Variants in GALNT17 observed in about 807,000 individuals in gnomAD.
The protein encoded by GALNT17 is polypeptide N-acetylgalactosaminyltransferase 17.
Under a neutral mutation model 63.7 loss-of-function variants are expected in GALNT17, and 29 were observed. The ratio of observed to expected loss-of-function variants is 0.46; its 90% confidence interval spans 0.34 to 0.62. The LOEUF (loss-of-function observed/expected upper bound fraction) is 0.62. GALNT17 is among the 20% of genes least tolerant of loss of function. The probability of loss-of-function intolerance (pLI) is 0.01; values close to 1 mark genes in which losing one functional copy is unlikely to be tolerated. For synonymous variants in GALNT17, 305 were observed against 318.3 expected (o/e 0.96, Z 0.45); for missense variants, 603 against 799.6 (o/e 0.75, Z 2.97).
At chr7:71,532,734 C>T (rs185379117) in intron 5 of GALNT17, among the ~76,000 whole-genome samples, 1 of 152,284 alleles carries the variant, frequency 6.6e-6, no homozygotes, top group Admixed American at 6.5e-5. Flanking sequence ...TCTGAGTTCA[C>T]TCCCATCTGC....
At chr7:71,668,305 T>C (rs745409281) in intron 7 of GALNT17, among the ~76,000 whole-genome samples, 4 of 151,544 alleles carry the variant, frequency 2.6e-5, no homozygotes, top group African/African-American at 9.7e-5. Context: ...TCACCTGAGG[T>C]TGGGAGTTCG....
chr7:71,385,937 C>T (rs1792934858), intron 2 of GALNT17, among the ~76,000 whole-genome samples: 1 of 152,198 alleles, frequency 6.6e-6, no homozygotes, highest in Non-Finnish European at 1.5e-5. Flanking sequence ...TGTGGCAGCA[C>T]ATGCCTGTAA....
At chr7:71,652,866 C>T (rs1790773385) in intron 6 of GALNT17, among the ~76,000 whole-genome samples, 2 of 152,164 alleles carry the variant, frequency 1.3e-5, no homozygotes, top group African/African-American at 4.8e-5. Flanking sequence ...TCTGGCTCTG[C>T]AAACCCAAAC....
intron 6 of GALNT17, among the ~76,000 whole-genome samples, chr7:71,656,362 C>T (rs1790828328): frequency 6.6e-6 from 1 of 151,990 alleles, no homozygotes; most frequent in Non-Finnish European, 1.5e-5. Flanking sequence ...GTTAACTAGG[C>T]AGATGGGGGA....
At chr7:71,263,832 G>A (rs1327403904) in intron 1 of GALNT17, among the ~76,000 whole-genome samples, 1 of 152,090 alleles carries the variant, frequency 6.6e-6, no homozygotes, top group African/African-American at 2.4e-5. Context: ...GCTGAGGCAG[G>A]AGAATGGCGT....
chr7:71,378,409 G>C (rs888721147), intron 2 of GALNT17, among the ~76,000 whole-genome samples: 1 of 152,122 alleles, frequency 6.6e-6, no homozygotes, highest in Non-Finnish European at 1.5e-5. Flanking sequence ...TTGATGAGGA[G>C]GGAAGCATAA....
At chr7:71,135,451 C>T (rs1487237669) in intron 1 of GALNT17, among the ~76,000 whole-genome samples, 1 of 152,158 alleles carries the variant, frequency 6.6e-6, no homozygotes, top group African/African-American at 2.4e-5. Context: ...GATGGGTGCT[C>T]TGACACCCGC....
intron 9 of GALNT17, among the ~76,000 whole-genome samples, chr7:71,691,521 G>A (rs944069922): frequency 2.6e-5 from 4 of 152,180 alleles, no homozygotes; most frequent in Admixed American, 2.0e-4. Flanking sequence ...GAAGACTCAG[G>A]GTTAAGGAGG....
At chr7:71,198,473 C>T (rs971750362) in intron 1 of GALNT17, among the ~76,000 whole-genome samples, 4 of 152,176 alleles carry the variant, frequency 2.6e-5, no homozygotes, top group African/African-American at 7.2e-5. Flanking sequence ...CATGGTCCTT[C>T]GCTAGAGAGA....
intron 9 of GALNT17, among the ~76,000 whole-genome samples, chr7:71,682,593 CGAGTCCAGTGG>C (rs142561707): frequency 0.54 from 81,863 of 151,984 alleles, 25,568 homozygotes; most frequent in East Asian, 0.84. Flanking sequence ...CACCCAAGCT[CGAGTCCAGTGG>C]TGCAATCATA....
intron 5 of GALNT17, among the ~76,000 whole-genome samples, chr7:71,429,466 GA>G (rs1786820694): frequency 6.6e-6 from 1 of 152,150 alleles, no homozygotes; most frequent in East Asian, 1.9e-4. Context: ...AGTTCACCAA[GA>G]ACAGAAAAAA....
At chr7:71,290,864 C>A (rs1665314313) in intron 1 of GALNT17, among the ~76,000 whole-genome samples, 1 of 152,172 alleles carries the variant, frequency 6.6e-6, no homozygotes, top group Non-Finnish European at 1.5e-5. Flanking sequence ...GTTAGAGAGA[C>A]ATAATATTGG....
intron 1 of GALNT17, among the ~76,000 whole-genome samples, chr7:71,195,522 G>A (rs936828273): frequency 1.3e-4 from 20 of 152,014 alleles, no homozygotes; most frequent in Non-Finnish European, 2.5e-4. Flanking sequence ...TGGGACCACA[G>A]GCATCTGCCA....
At chr7:71,551,545 T>C (rs1478037611) in intron 5 of GALNT17, among the ~76,000 whole-genome samples, 2 of 152,098 alleles carry the variant, frequency 1.3e-5, no homozygotes, top group African/African-American at 2.4e-5. Flanking sequence ...TGTTAGCTAC[T>C]GTGTTTGAAA....
intron 5 of GALNT17, among the ~76,000 whole-genome samples, chr7:71,544,826 T>A (rs527480873): frequency 7.3e-5 from 11 of 150,238 alleles, no homozygotes; most frequent in African/African-American, 2.4e-4. Flanking sequence ...TTTGTGCAAG[T>A]TTCTTACATC....
intron 3 of GALNT17, among the ~76,000 whole-genome samples, chr7:71,410,490 C>A (rs1793410748): frequency 6.6e-6 from 1 of 152,210 alleles, no homozygotes; most frequent in African/African-American, 2.4e-5. Flanking sequence ...AGGTGATCCA[C>A]CCACCTTGGC....
intron 5 of GALNT17, among the ~76,000 whole-genome samples, chr7:71,459,997 C>T (rs753711751): frequency 6.6e-6 from 1 of 152,170 alleles, no homozygotes; most frequent in Non-Finnish European, 1.5e-5. Context: ...CCCGCAGCTT[C>T]GAATTGTCCT....
intron 6 of GALNT17, among the ~76,000 whole-genome samples, chr7:71,633,361 C>A (rs1790484369): frequency 6.6e-6 from 1 of 152,080 alleles, no homozygotes; most frequent in Non-Finnish European, 1.5e-5. Context: ...GCCTGCCTAA[C>A]CTGACCCCCT....
intron 8 of GALNT17, 101 bp from the exon 9 acceptor site, chr7:71,677,110 C>G: frequency 1.7e-6 from 2 of 1,158,572 alleles, no homozygotes; most frequent in Non-Finnish European, 2.6e-6. Flanking sequence ...GTGTTGTCTT[C>G]CCATCATGAA....
Sources: gnomAD v4.1 joint callset for allele counts (sites outside exome capture counted in the v4.1 genomes callset) on GRCh38, gnomAD v4.1.1 for gene constraint, MANE v1.5 for transcripts, NCBI Gene and HGNC (gene_info 2026-07-23, HGNC 2026-07-21) for gene names.